The following NAV3 variants were observed in gnomAD, a reference collection of about 807,000 sequenced individuals.
NAV3 encodes the protein neuron navigator 3.
Under a neutral mutation model 244.7 loss-of-function variants are expected in NAV3, and 87 were observed. The observed-to-expected ratio is 0.36, with a 90% CI of 0.30 to 0.42. The LOEUF (loss-of-function observed/expected upper bound fraction) is 0.42, where lower values mean the gene tolerates loss of function less well. Among genes scored for constraint, NAV3 ranks in the 20% least tolerant of loss-of-function variants. NAV3 has a pLI of 1.00. For synonymous variants in NAV3, 1,126 were observed against 1,042.2 expected, an observed-to-expected ratio of 1.08 and a Z score of -1.55; for missense variants, 2,663 against 2,893.3, an observed-to-expected ratio of 0.92 and a Z score of 1.83.
chr12:78,019,310 C>T (rs956569903), intron 8 of NAV3, among the ~76,000 whole-genome samples: 5 of 151,962 alleles, frequency 3.3e-5, no homozygotes, highest in Admixed American at 1.3e-4. Flanking sequence ...TTTGTTTTAC[C>T]GTTGTGGCTA....
At chr12:77,988,132 T>C (rs1870843103) in intron 5 of NAV3, among the ~76,000 whole-genome samples, 1 of 152,178 alleles carries the variant, frequency 6.6e-6, no homozygotes, top group Non-Finnish European at 1.5e-5. Flanking sequence ...GCACACAGTA[T>C]CTCCAATGTT....
At chr12:78,149,127 CTTG>C (rs1565724049) in intron 22 of NAV3, among the ~76,000 whole-genome samples, 1 of 151,958 alleles carries the variant, frequency 6.6e-6, no homozygotes, top group Non-Finnish European at 1.5e-5. Context: ...GTTAAAATGG[CTTG>C]TTGTTTCTAA....
rs566205645 is a variant in NAV3, at chr12:77,703,671, G to A, written c.72+131405G>A. On this transcript the variant is annotated intron_variant, in intron 2 of 8. Coordinates refer to the NAV3 transcript ENST00000550042. ...TGAGGGTTCAAATTCCCTCCCAAGG[G>A]AACCAGTCCAATTGGCCTGGCCATA... is the stretch of plus-strand genomic sequence containing the variant. 5.3e-5 allele frequency among the ~76,000 whole-genome samples: 8 copies of A among 152,168 alleles called. No homozygotes were observed. The East Asian group carries it at 1.4e-3, about 26-fold the overall frequency.
chr12:77,593,552 C>T (rs758269001), intron 2 of NAV3, among the ~76,000 whole-genome samples: 1 of 150,752 alleles, frequency 6.6e-6, no homozygotes, highest in Non-Finnish European at 1.5e-5. Flanking sequence ...CGGGTTCAAG[C>T]GATTCTCCTG....
intron 5 of NAV3, among the ~76,000 whole-genome samples, chr12:77,981,832 G>A: frequency 6.6e-6 from 1 of 151,934 alleles, no homozygotes; most frequent in East Asian, 1.9e-4. Context: ...AAACAAATGT[G>A]ATATCATAAT....
At chr12:77,828,538 CA>C, upstream of NAV3, among the ~76,000 whole-genome samples, 1 of 152,158 alleles carries the variant, frequency 6.6e-6, no homozygotes, top group Middle Eastern at 3.4e-3. Flanking sequence ...TACAAGGTAT[CA>C]GTGACCGTAA....
intron 23 of NAV3, among the ~76,000 whole-genome samples, chr12:78,168,505 G>A (rs777157409): frequency 6.6e-6 from 1 of 151,562 alleles, no homozygotes. Flanking sequence ...CCTTTGAAAG[G>A]AATAAAGACT....
At chr12:77,882,905 G>T (rs990512271) in intron 1 of NAV3, among the ~76,000 whole-genome samples, 1 of 152,006 alleles carries the variant, frequency 6.6e-6, no homozygotes, top group Non-Finnish European at 1.5e-5. Flanking sequence ...AGTCAGAATG[G>T]CTATTATTAA....
At chr12:78,151,807 T>A (rs1004491213) in intron 22 of NAV3, among the ~76,000 whole-genome samples, 2 of 151,266 alleles carry the variant, frequency 1.3e-5, no homozygotes, top group Non-Finnish European at 3.0e-5. Context: ...TGGGGGAAAC[T>A]GGATGAAGGA....
At chr12:78,104,576 A>G (rs1421615815) in intron 12 of NAV3, among the ~76,000 whole-genome samples, 2 of 152,150 alleles carry the variant, frequency 1.3e-5, no homozygotes, top group African/African-American at 4.8e-5. Flanking sequence ...TAAAAACTAA[A>G]AGGCATGCCT....
intron 2 of NAV3, among the ~76,000 whole-genome samples, chr12:77,738,173 GATA>G (rs1263725946): frequency 6.6e-6 from 1 of 152,142 alleles, no homozygotes; most frequent in Non-Finnish European, 1.5e-5. Flanking sequence ...AATTTAAAAG[GATA>G]ATGGCAGAAT....
intron 9 of NAV3, among the ~76,000 whole-genome samples, chr12:78,048,324 C>T (rs181916972): frequency 6.6e-6 from 1 of 152,226 alleles, no homozygotes; most frequent in African/African-American, 2.4e-5. Flanking sequence ...AGCCTTTTTG[C>T]ACTGTTTTTT....
intron 8 of NAV3, among the ~76,000 whole-genome samples, chr12:78,009,517 G>A (rs984322676): frequency 6.8e-6 from 1 of 146,010 alleles, no homozygotes; most frequent in Non-Finnish European, 1.5e-5. Context: ...CCATTGTTCA[G>A]AAACAGCATC....
intron 2 of NAV3, among the ~76,000 whole-genome samples, chr12:77,642,937 G>A (rs1036928611): frequency 6.6e-6 from 1 of 151,862 alleles, no homozygotes; most frequent in Non-Finnish European, 1.5e-5. Context: ...GACCCAACAG[G>A]ATAGGATTTT....
chr12:78,116,705 G>A (rs2138511011), intron 12 of NAV3, 67 bp from the exon 13 acceptor site: 1 of 1,390,050 alleles, frequency 7.2e-7, no homozygotes, highest in Non-Finnish European at 9.5e-7. Context: ...ATGTTGCATG[G>A]AAATGTAGGT....
At chr12:78,035,703 T>A (rs1273281964) in intron 9 of NAV3, among the ~76,000 whole-genome samples, 3 of 152,186 alleles carry the variant, frequency 2.0e-5, no homozygotes, top group Non-Finnish European at 4.4e-5. Context: ...GAAAACCCTT[T>A]TGAGTTATTT....
chr12:77,871,292 AATTTT>A (rs1880915449), intron 1 of NAV3, among the ~76,000 whole-genome samples: 1 of 152,158 alleles, frequency 6.6e-6, no homozygotes, highest in Non-Finnish European at 1.5e-5. Context: ...CTATTTTTAA[AATTTT>A]ATTTATTATA....
chr12:77,647,883 C>A (rs918409050), intron 2 of NAV3, among the ~76,000 whole-genome samples: 4 of 152,080 alleles, frequency 2.6e-5, no homozygotes, highest in African/African-American at 9.7e-5. Context: ...ATGTGGTTTT[C>A]TGTACTTTAA....
chr12:78,176,994 A>G (rs1958257111), intron 26 of NAV3, 147 bp from the exon 27 acceptor site: 1 of 692,884 alleles, frequency 1.4e-6, no homozygotes, highest in East Asian at 2.7e-5. Context: ...TTTTTTTTTT[A>G]GAGATACTGT....
Sources: gnomAD v4.1 joint callset for allele counts (sites outside exome capture counted in the v4.1 genomes callset) on GRCh38, gnomAD v4.1.1 for gene constraint, MANE v1.5 for transcripts, NCBI Gene and HGNC (gene_info 2026-07-23, HGNC 2026-07-21) for gene names.